The following MINDY4 variants were observed in gnomAD, a reference collection of about 807,000 sequenced individuals.
MINDY4 encodes the protein probable ubiquitin carboxyl-terminal hydrolase MINDY-4.
A neutral mutation model predicts 87.0 loss-of-function variants in MINDY4; 68 were observed. That is an observed-to-expected ratio of 0.78 (90% CI 0.64 to 0.96). The LOEUF (loss-of-function observed/expected upper bound fraction) is 0.96. MINDY4 is among the 40% of genes least tolerant of loss of function. MINDY4 has a pLI of 0.00. For synonymous variants in MINDY4, 379 were observed against 363.2 expected, an observed-to-expected ratio of 1.04 and a Z score of -0.50; for missense variants, 919 against 928.2, an observed-to-expected ratio of 0.99 and a Z score of 0.13.
chr7:30,828,099 G>A (rs896467801), intron 5 of MINDY4, among the ~76,000 whole-genome samples: 4 of 152,100 alleles, frequency 2.6e-5, no homozygotes, highest in Non-Finnish European at 4.4e-5. Flanking sequence ...AGAAAGCTCT[G>A]TGTGCACATA....
chr7:30,771,638 C>T (rs62446925), intron 1 of MINDY4, 82 bp downstream of exon 1: 65,866 of 1,410,624 alleles, frequency 0.047, 1,820 homozygotes, highest in Non-Finnish European at 0.055. Context: ...GGCTTTGCAG[C>T]TTCTGGGAGG....
At chr7:30,797,249 C>T (rs1405668401) in intron 5 of MINDY4, among the ~76,000 whole-genome samples, 1 of 152,188 alleles carries the variant, frequency 6.6e-6, no homozygotes, top group Non-Finnish European at 1.5e-5. Flanking sequence ...GAGTCCCTGC[C>T]CTCTTGGATC....
intron 7 of MINDY4, among the ~76,000 whole-genome samples, chr7:30,838,864 C>G (rs552942379): frequency 6.6e-6 from 1 of 152,206 alleles, no homozygotes; most frequent in East Asian, 1.9e-4. Flanking sequence ...CCTAGTCTTG[C>G]CTGTGGAAGA....
chr7:30,778,183 C>T lies in MINDY4; in HGVS notation c.64-249C>T, dbSNP rs189047717. The stretch of plus-strand genomic sequence containing the variant: ...ATGGTTCCAAATGTAGGGCCAAACC[C>T]AGGACTCCTGTGCGCGAGTCCTGAA... On this transcript the variant is annotated intron_variant, in intron 1 of 17. Coordinates refer to ENST00000265299, the MANE Select transcript of MINDY4 (RefSeq NM_032222.3). 1.4e-4 allele frequency among the ~76,000 whole-genome samples: 21 copies of T among 152,308 alleles called. No individual in the cohort carries two copies. In the East Asian group the frequency reaches 3.3e-3, roughly 24 times the overall value.
chr7:30,887,943 CG>C (rs1562568205), intron 17 of MINDY4, among the ~76,000 whole-genome samples: 1 of 152,130 alleles, frequency 6.6e-6, no homozygotes, highest in African/African-American at 2.4e-5. Flanking sequence ...GGCTGGAGCA[CG>C]GGAACGGAAA....
intron 15 of MINDY4, among the ~76,000 whole-genome samples, chr7:30,880,312 AC>A (rs1790423947): frequency 2.2e-5 from 1 of 45,522 alleles, no homozygotes; most frequent in Non-Finnish European, 5.1e-5. Flanking sequence ...ACCCCCCCCC[AC>A]CCCCGACTGC....
intron 17 of MINDY4, among the ~76,000 whole-genome samples, chr7:30,887,101 G>GAGGGGC (rs1298965790): frequency 2.6e-5 from 4 of 152,146 alleles, no homozygotes; most frequent in African/African-American, 9.7e-5. Flanking sequence ...TGATGCCTTC[G>GAGGGGC]AGGGGCAGAG....
intron 10 of MINDY4, 42 bp downstream of exon 10, chr7:30,850,597 G>A: frequency 6.5e-7 from 1 of 1,539,128 alleles, no homozygotes; most frequent in South Asian, 1.2e-5. Flanking sequence ...CTCATCGTCT[G>A]CTGGCAGCTG....
At chr7:30,862,768 C>A (rs1484441279) in intron 13 of MINDY4, among the ~76,000 whole-genome samples, 5 of 152,218 alleles carry the variant, frequency 3.3e-5, no homozygotes, top group African/African-American at 1.2e-4. Flanking sequence ...AGGTCCTCAG[C>A]GCAGCTCAGT....
At chr7:30,798,583 G>A (rs1399910384) in intron 5 of MINDY4, among the ~76,000 whole-genome samples, 1 of 152,008 alleles carries the variant, frequency 6.6e-6, no homozygotes, top group African/African-American at 2.4e-5. Flanking sequence ...TGCAAGCTCC[G>A]CCTCCCGGGT....
At chr7:30,889,137 G>T (rs1790718974) in intron 17 of MINDY4, among the ~76,000 whole-genome samples, 1 of 152,186 alleles carries the variant, frequency 6.6e-6, no homozygotes, top group Non-Finnish European at 1.5e-5. Flanking sequence ...CTGGATTCAG[G>T]ATGTGTTCCT....
intron 9 of MINDY4, 128 bp from the exon 10 acceptor site, chr7:30,850,326 G>T: frequency 1.2e-6 from 1 of 816,138 alleles, no homozygotes; most frequent in Non-Finnish European, 2.0e-6. Flanking sequence ...GCTGCAGGTG[G>T]CCCCTCTGCA....
intron 13 of MINDY4, among the ~76,000 whole-genome samples, chr7:30,860,702 G>A (rs748362556): frequency 2.6e-5 from 4 of 152,214 alleles, no homozygotes; most frequent in South Asian, 2.1e-4. Flanking sequence ...GGGAGTGGGC[G>A]CCTTGTTACA....
chr7:30,840,536 A>AC (rs1225847329), intron 8 of MINDY4, among the ~76,000 whole-genome samples: 2 of 152,060 alleles, frequency 1.3e-5, no homozygotes, highest in Non-Finnish European at 2.9e-5. Context: ...TGACACACTG[A>AC]CAACTGGCCC....
Position 30,882,946 on chromosome 7 carries a change from C to A in MINDY4, c.2178C>A (p.Asp726Glu), listed in dbSNP as rs1025535987. The A allele has an allele frequency of 1.2e-6, 2 of 1,614,064 alleles. No individual in the cohort carries two copies. The highest frequency in any genetic ancestry group is 1.7e-6 in the Non-Finnish European group (2 of 1,179,994). Residue 726 changes from aspartate (D) to glutamate (E), a missense_variant, in exon 17 of 18, where the codon GAC (aspartate) becomes GAA (glutamate). Physicochemically the swap from Asp to Glu is conservative, Grantham distance 45. Transcript: ENST00000265299. ...TIDTTQTISE[D>E]TDNDLVPPLE... ...ACACCACCCAAACCATCTCTGAGGA[C>A]ACAGACAACGACCTTGTCCCACCCC...
chr7:30,787,677 C>G (rs1327417226), intron 4 of MINDY4, among the ~76,000 whole-genome samples: 2 of 152,188 alleles, frequency 1.3e-5, no homozygotes, highest in Non-Finnish European at 2.9e-5. Flanking sequence ...GTCAGAGCCA[C>G]CTCAGCAGTG....
At chr7:30,865,134 C>T (rs1440843316) in intron 13 of MINDY4, among the ~76,000 whole-genome samples, 1 of 152,174 alleles carries the variant, frequency 6.6e-6, no homozygotes, top group African/African-American at 2.4e-5. Context: ...GGAGCCTGAC[C>T]CATGGGCTCC....
rs774772899 is a variant in MINDY4 at position 30,771,569 on chromosome 7, C to G, written c.63+13C>G. On this transcript the variant is annotated intron_variant, in intron 1 of 17. Coordinates refer to ENST00000265299, the MANE Select transcript of MINDY4 (RefSeq NM_032222.3). ...CCTCAGCAGAAAGGTAACGGCTCGC[C>G]CCCTCCAAAGCCCAGGAAGTGGCTC... The G allele has an allele frequency of 6.3e-7, 1 of 1,583,112 alleles. No homozygotes were observed.
intron 5 of MINDY4, among the ~76,000 whole-genome samples, chr7:30,798,882 A>C (rs1331156633): frequency 6.6e-6 from 1 of 152,174 alleles, no homozygotes; most frequent in African/African-American, 2.4e-5. Flanking sequence ...ATGTGCTTGC[A>C]GTCCACACAT....
Sources: allele counts gnomAD v4.1 joint callset (sites outside exome capture counted in the v4.1 genomes callset), GRCh38; gene constraint gnomAD v4.1.1; transcripts MANE v1.5; gene names NCBI Gene and HGNC (gene_info 2026-07-23, HGNC 2026-07-21).